Variants in DHRS2 observed in about 807,000 individuals in gnomAD.
The protein encoded by DHRS2 is dehydrogenase/reductase 2.
DHRS2 carries 29 observed loss-of-function variants against 26.3 expected under a neutral mutation model. The ratio of observed to expected loss-of-function variants is 1.10; its 90% CI spans 0.82 to 1.50. The LOEUF is 1.50. Ranked by LOEUF, DHRS2 falls within the 40% of genes most tolerant of loss-of-function variation. DHRS2 has a pLI of 0.00. For synonymous variants in DHRS2, 164 were observed against 151.3 expected (o/e 1.08, Z -0.62); for missense variants, 439 against 367.1 (o/e 1.20, Z -1.60).
At chr14:23,631,436 G>A (rs903177848), upstream of DHRS2, among the ~76,000 whole-genome samples, 2 of 151,980 alleles carry the variant, frequency 1.3e-5, no homozygotes, top group Non-Finnish European at 2.9e-5. Flanking sequence ...CAGTTGGTTG[G>A]GGAGCTTAGA....
At chr14:23,631,786 T>A (rs1169133368), upstream of DHRS2, among the ~76,000 whole-genome samples, 1 of 152,186 alleles carries the variant, frequency 6.6e-6, no homozygotes. Flanking sequence ...CCGAGCTGAC[T>A]GTTTTGGGGA....
chr14:23,643,259 AC>A (rs1890741602), intron 5 of DHRS2, 40 bp downstream of exon 5: 6 of 1,597,062 alleles, frequency 3.8e-6, no homozygotes, highest in Non-Finnish European at 5.1e-6. Context: ...GGAGTTGGGG[AC>A]CTGAGGTGGG....
chr14:23,640,463 C>T (rs1890604592), intron 4 of DHRS2: 1 of 984,258 alleles, frequency 1.0e-6, no homozygotes, highest in East Asian at 1.1e-4. Context: ...GCTACCTTGT[C>T]CACAAGGGAC....
At position 23,645,176 on chromosome 14, in the gene DHRS2, T is replaced by A. The variant is rs372003142; in HGVS notation, c.766T>A (p.Ser256Thr). The A allele has an allele frequency of 5.6e-6, 9 of 1,614,128 alleles. No individual in the cohort carries two copies. Among genetic ancestry groups the A allele is most frequent in the South Asian group, 5.5e-5 (5 of 91,070 alleles). Reference sequence around the variant, plus strand: ...GTCAGAGGACTGTGCAGGAATCGTGTCCTTCCTGTGCTCTCCAGATGCCAG... The same window carrying A: ...GTCAGAGGACTGTGCAGGAATCGTGACCTTCCTGTGCTCTCCAGATGCCAG... ...GESEDCAGIV[S>T]FLCSPDASYV... Residue 256 changes from serine (S) to threonine (T), a missense_variant, in exon 9 of 9, where the codon TCC becomes ACC. Physicochemically the swap from Ser to Thr is moderately conservative, Grantham distance 58 (BLOSUM62 1). Transcript: ENST00000250383.
intron 1 of DHRS2, among the ~76,000 whole-genome samples, chr14:23,630,724 C>T (rs1321836224): frequency 6.6e-6 from 1 of 152,188 alleles, no homozygotes; most frequent in Non-Finnish European, 1.5e-5. Flanking sequence ...AGAACAGAAG[C>T]TACAGGCAGA....
chr14:23,642,392 G>C (rs1890703801), intron 4 of DHRS2: 1 of 155,916 alleles, frequency 6.4e-6, no homozygotes, highest in African/African-American at 2.4e-5. Context: ...TTTATTTTAT[G>C]CTGTTGCATT....
intron 4 of DHRS2, chr14:23,640,588 C>A (rs962425092): frequency 3.8e-6 from 1 of 265,868 alleles, no homozygotes; most frequent in Non-Finnish European, 5.8e-6. Flanking sequence ...CAGAATGCGT[C>A]GTGATGAATC....
intron 1 of DHRS2, among the ~76,000 whole-genome samples, chr14:23,637,637 C>T (rs746865964): frequency 7.2e-5 from 11 of 152,040 alleles, no homozygotes; most frequent in Non-Finnish European, 1.3e-4. Context: ...TTCGAGAATG[C>T]GTCGGTAAGG....
upstream of DHRS2, among the ~76,000 whole-genome samples, chr14:23,633,319 A>G (rs1890174517): frequency 6.6e-6 from 1 of 152,274 alleles, no homozygotes; most frequent in Middle Eastern, 3.4e-3. Context: ...ACATCCCTTC[A>G]GAGAGCTTCA....
chr14:23,632,339 T>C (rs1181104765), upstream of DHRS2, among the ~76,000 whole-genome samples: 1 of 152,108 alleles, frequency 6.6e-6, no homozygotes, highest in Non-Finnish European at 1.5e-5. Flanking sequence ...CTCCACGTAA[T>C]GCAAGGCTGT....
intron 1 of DHRS2, chr14:23,637,950 C>A (rs1890416185): frequency 6.6e-6 from 1 of 152,212 alleles, no homozygotes; most frequent in Non-Finnish European, 1.5e-5. Flanking sequence ...CCACCCGAGC[C>A]AGCAGCAGCA....
At chr14:23,637,188 C>T (rs1890351128) in intron 1 of DHRS2, among the ~76,000 whole-genome samples, 1 of 152,220 alleles carries the variant, frequency 6.6e-6, no homozygotes, top group Non-Finnish European at 1.5e-5. Flanking sequence ...AACTTTCTCT[C>T]TCCTCTCTTC....
At chr14:23,631,908 G>C (rs1029390115), upstream of DHRS2, among the ~76,000 whole-genome samples, 2 of 152,326 alleles carry the variant, frequency 1.3e-5, no homozygotes, top group Admixed American at 6.5e-5. Context: ...AGGGGAGACA[G>C]AGGAGGCCTG....
At chr14:23,635,069 C>CTT (rs796928235), upstream of DHRS2, among the ~76,000 whole-genome samples, 3 of 146,988 alleles carry the variant, frequency 2.0e-5, no homozygotes, top group African/African-American at 7.5e-5. Flanking sequence ...TCAGGTAGTT[C>CTT]TTTTTTTTTT....
intron 4 of DHRS2, 37 bp downstream of exon 4, chr14:23,639,932 G>A (rs756099547): frequency 2.7e-5 from 41 of 1,510,178 alleles, no homozygotes; most frequent in South Asian, 1.3e-4. Flanking sequence ...CTGAGGGCCC[G>A]ATTCCAGCTC....
chr14:23,641,954 C>A, intron 4 of DHRS2: 1 of 1,158,414 alleles, frequency 8.6e-7, no homozygotes, highest in Non-Finnish European at 1.1e-6. Flanking sequence ...CCATGTCAGT[C>A]CCACCTGGCA....
In DHRS2 at chr14:23,645,155, G is replaced by A. The variant is rs1263957071; in HGVS notation, c.745G>A (p.Glu249Lys). 6.2e-7 allele frequency: 1 copy of A among 1,614,010 alleles called. No homozygotes were observed. Among genetic ancestry groups the A allele is most frequent in the Admixed American group, 1.7e-5 (1 of 60,010 alleles). Reference protein sequence around the residue: ...HHQLQRIGESEDCAGIVSFLC... With the variant: ...HHQLQRIGESKDCAGIVSFLC... The stretch of plus-strand genomic sequence containing the variant: ...TCTTCCATCCAGGATTGGGGAGTCA[G>A]AGGACTGTGCAGGAATCGTGTCCTT... The change falls in exon 9 of 9, where the codon GAG (glutamate) becomes AAG (lysine). Residue 249 changes from glutamate to lysine, a missense_variant. Physicochemically the swap from Glu to Lys is moderately conservative, Grantham distance 56 (BLOSUM62 1). Coordinates refer to ENST00000250383, the MANE Select transcript of DHRS2 (RefSeq NM_005794.4).
At chr14:23,630,416 C>A (rs1890089701) in intron 1 of DHRS2, among the ~76,000 whole-genome samples, 1 of 152,198 alleles carries the variant, frequency 6.6e-6, no homozygotes, top group Non-Finnish European at 1.5e-5. Flanking sequence ...CAGTCTATTT[C>A]TTCTTTGATT....
At chr14:23,637,819 A>T (rs892219879) in intron 1 of DHRS2, among the ~76,000 whole-genome samples, 12 of 152,304 alleles carry the variant, frequency 7.9e-5, no homozygotes, top group African/African-American at 2.6e-4. Context: ...TTGTAAACAC[A>T]GCAATCAGCA....
Sources: allele counts gnomAD v4.1 joint callset (sites outside exome capture counted in the v4.1 genomes callset), GRCh38; gene constraint gnomAD v4.1.1; transcripts MANE v1.5; gene names NCBI Gene and HGNC (gene_info 2026-07-23, HGNC 2026-07-21).